Variants in PRTG observed in about 807,000 individuals in gnomAD.
PRTG encodes protogenin.
A neutral mutation model predicts 122.5 loss-of-function variants in PRTG; 67 were observed. The observed-to-expected ratio is 0.55, with a 90% CI of 0.45 to 0.67. The LOEUF is 0.67. Ranked by LOEUF, PRTG falls within the 30% of genes least tolerant of loss-of-function variation. PRTG has a pLI of 0.00. For missense variants in PRTG, 1,435 were observed against 1,415.4 expected, an observed-to-expected ratio of 1.01 and a Z score of -0.22; for synonymous variants, 554 against 501.1, an observed-to-expected ratio of 1.11 and a Z score of -1.41.
At chr15:55,691,296 CAAAAAAA>C (rs59129695) in intron 2 of PRTG, among the ~76,000 whole-genome samples, 3,510 of 82,852 alleles carry the variant, frequency 0.042, 157 homozygotes, top group African/African-American at 0.12. Flanking sequence ...AACTCTGTTT[CAAAAAAA>C]AAAAAAAAAA....
intron 18 of PRTG, among the ~76,000 whole-genome samples, chr15:55,623,010 T>G (rs896637009): frequency 6.6e-6 from 1 of 152,206 alleles, no homozygotes; most frequent in East Asian, 1.9e-4. Context: ...TAATATGTAT[T>G]GTATACAATG....
chr15:55,624,213 TTCAA>T, intron 18 of PRTG, 125 bp downstream of exon 18: 1 of 747,636 alleles, frequency 1.3e-6, no homozygotes, highest in Non-Finnish European at 2.1e-6. Context: ...TCGGTAAAAT[TTCAA>T]TATTTCATTA....
chr15:55,619,754 A>C lies in PRTG; in HGVS notation c.*258T>G, dbSNP rs1163265545. On this transcript the variant is annotated 3_prime_UTR_variant, in exon 20 of 20. Coordinates refer to ENST00000389286, the MANE Select transcript of PRTG (RefSeq NM_173814.6). ...ATAAAAAACAAAACACATTCAAAAA[A>C]AGCTAAAATACCCCATAAAGATATT... 6.6e-6 allele frequency: 3 copies of C among 456,466 alleles called. No homozygotes were observed. Among genetic ancestry groups the C allele is most frequent in the East Asian group, 3.6e-5 (1 of 27,914 alleles). The allele number at this position is 456,466 out of a possible 1,614,324, so 28.3% of individuals were successfully genotyped here.
chr15:55,638,570 A>G lies in PRTG; in HGVS notation c.2431T>C (p.Tyr811His). ...TTACCTTCTGGAAGAGTAGAATGGT[A>G]GACTACAGGGCTCCAAGGACTGGAA... ...QLSSPWSPVVYHSTLPEAPAG... is the reference protein window; with the variant it reads ...QLSSPWSPVVHHSTLPEAPAG... Residue 811 changes from tyrosine (Y) to histidine (H), a missense_variant, in exon 14 of 20, where the codon TAC (tyrosine) becomes CAC (histidine). Coordinates refer to ENST00000389286, the MANE Select transcript of PRTG (RefSeq NM_173814.6). The G allele has an allele frequency of 1.9e-6, 3 of 1,611,948 alleles. No individual in the cohort carries two copies. The highest frequency in any genetic ancestry group is 2.5e-6 in the Non-Finnish European group (3 of 1,178,874).
intron 2 of PRTG, among the ~76,000 whole-genome samples, chr15:55,705,276 G>T (rs2030056181): frequency 6.6e-6 from 1 of 152,058 alleles, no homozygotes; most frequent in Non-Finnish European, 1.5e-5. Flanking sequence ...CTCCCAGTAG[G>T]ACACATACAT....
chr15:55,677,513 CG>C (rs1299620528), intron 8 of PRTG, among the ~76,000 whole-genome samples: 1 of 152,078 alleles, frequency 6.6e-6, no homozygotes, highest in African/African-American at 2.4e-5. Flanking sequence ...GAATGAAATT[CG>C]TAAGTACACC....
intron 2 of PRTG, among the ~76,000 whole-genome samples, chr15:55,686,469 A>G (rs902420528): frequency 7.2e-5 from 11 of 152,012 alleles, no homozygotes; most frequent in Admixed American, 7.2e-4. Context: ...TTCTTCCACG[A>G]CCCCACAATG....
Position 55,624,383 on chromosome 15 carries a change from A to G in PRTG, c.3052T>C (p.Leu1018=). The G allele has an allele frequency of 3.1e-6, 5 of 1,614,116 alleles. No homozygotes were observed. Among genetic ancestry groups the G allele is most frequent in the Non-Finnish European group, 4.2e-6 (5 of 1,179,986 alleles). The change falls in exon 18 of 20, where the codon TTA becomes CTA. Residue 1018 remains leucine (L), a synonymous_variant. Coordinates refer to ENST00000389286, the MANE Select transcript of PRTG (RefSeq NM_173814.6). Reference sequence around the variant, plus strand: ...CTGTTTGGCATGATCATTGGCATTAAAGATTCTTCATTTCCTACAGCTCCT... The same window carrying G: ...CTGTTTGGCATGATCATTGGCATTAGAGATTCTTCATTTCCTACAGCTCCT... The part of the protein sequence containing the change: ...LEGAVGNEES[L]MPMIMPNSFI...
At chr15:55,646,070 G>A (rs2059320924) in intron 11 of PRTG, among the ~76,000 whole-genome samples, 1 of 151,764 alleles carries the variant, frequency 6.6e-6, no homozygotes, top group Non-Finnish European at 1.5e-5. Flanking sequence ...GCAGTGGTGC[G>A]ATCCCAGCTC....
intron 11 of PRTG, among the ~76,000 whole-genome samples, chr15:55,652,463 G>C (rs1379541106): frequency 6.6e-6 from 1 of 152,176 alleles, no homozygotes; most frequent in African/African-American, 2.4e-5. Flanking sequence ...TTCCCCTGCA[G>C]TCCAACTGGA....
At chr15:55,677,040 G>A (rs1165270711) in intron 8 of PRTG, among the ~76,000 whole-genome samples, 4 of 152,128 alleles carry the variant, frequency 2.6e-5, no homozygotes, top group Non-Finnish European at 5.9e-5. Flanking sequence ...CTAGGCTGTT[G>A]AAGTATAGAA....
At chr15:55,629,969 C>G (rs1227102748) in intron 15 of PRTG, among the ~76,000 whole-genome samples, 1 of 150,988 alleles carries the variant, frequency 6.6e-6, no homozygotes, top group Non-Finnish European at 1.5e-5. Context: ...AGGCACCCAC[C>G]ACCACACCAG....
intron 11 of PRTG, among the ~76,000 whole-genome samples, chr15:55,652,014 A>G (rs530984836): frequency 4.6e-5 from 7 of 152,310 alleles, no homozygotes; most frequent in East Asian, 3.9e-4. Flanking sequence ...CCACTTTTCA[A>G]TTTACACACA....
chr15:55,735,163 G>T (rs2031369413), intron 2 of PRTG, among the ~76,000 whole-genome samples: 1 of 152,040 alleles, frequency 6.6e-6, no homozygotes, highest in African/African-American at 2.4e-5. Context: ...GGATTTTTAT[G>T]ATTTCTTTTA....
intron 16 of PRTG, 85 bp downstream of exon 16, chr15:55,628,737 A>C (rs1188250669): frequency 9.5e-7 from 1 of 1,055,370 alleles, no homozygotes; most frequent in African/African-American, 1.6e-5. Flanking sequence ...TTAGGGATAC[A>C]GCAATTGTAG....
At chr15:55,634,705 G>A (rs2059246637) in intron 15 of PRTG, among the ~76,000 whole-genome samples, 1 of 151,988 alleles carries the variant, frequency 6.6e-6, no homozygotes, top group African/African-American at 2.4e-5. Context: ...AGCCAGGCAT[G>A]ATGGCGTGTG....
At chr15:55,728,072 C>T (rs912836637) in intron 2 of PRTG, among the ~76,000 whole-genome samples, 11 of 151,958 alleles carry the variant, frequency 7.2e-5, no homozygotes, top group African/African-American at 2.2e-4. Flanking sequence ...CACCATGTTG[C>T]CCAGGCTGGT....
At chr15:55,625,868 T>C (rs1418650820) in intron 17 of PRTG, among the ~76,000 whole-genome samples, 2 of 151,862 alleles carry the variant, frequency 1.3e-5, no homozygotes, top group Non-Finnish European at 2.9e-5. Context: ...GGTGATCCGC[T>C]CACCTCGGCC....
At chr15:55,693,318 T>C (rs1186774220) in intron 2 of PRTG, among the ~76,000 whole-genome samples, 1 of 152,092 alleles carries the variant, frequency 6.6e-6, no homozygotes, top group Non-Finnish European at 1.5e-5. Context: ...CAGCCGGGCG[T>C]GGCGGCGCAT....
Sources: allele counts gnomAD v4.1 joint callset (sites outside exome capture counted in the v4.1 genomes callset), GRCh38; gene constraint gnomAD v4.1.1; transcripts MANE v1.5; gene names NCBI Gene and HGNC (gene_info 2026-07-23, HGNC 2026-07-21).